Variants in RFWD3 observed in about 807,000 individuals in gnomAD.
RFWD3 encodes the protein E3 ubiquitin-protein ligase RFWD3.
A neutral mutation model predicts 87.7 loss-of-function variants in RFWD3; 65 were observed. The observed-to-expected ratio is 0.74, with a 90% CI of 0.61 to 0.91. The LOEUF is 0.91. Among genes scored for constraint, RFWD3 ranks in the 40% least tolerant of loss-of-function variants. The probability of loss-of-function intolerance (pLI) is 0.00; values close to 1 mark genes in which losing one functional copy is unlikely to be tolerated. For synonymous variants in RFWD3, 433 were observed against 352.8 expected, an observed-to-expected ratio of 1.23 and a Z score of -2.55; for missense variants, 1,078 against 938.5, an observed-to-expected ratio of 1.15 and a Z score of -1.94.
At chr16:74,657,100 G>C (rs60745895) in intron 2 of RFWD3, among the ~76,000 whole-genome samples, 144 of 152,272 alleles carry the variant, frequency 9.5e-4, no homozygotes, top group African/African-American at 3.3e-3. Flanking sequence ...GAGTAGTCTT[G>C]CAAATGGGGT....
intron 4 of RFWD3, among the ~76,000 whole-genome samples, chr16:74,645,838 C>T (rs909309040): frequency 3.4e-5 from 5 of 149,062 alleles, no homozygotes; most frequent in African/African-American, 5.0e-5. Flanking sequence ...CTGCAAGTTC[C>T]GCCTCCTGGG....
At chr16:74,631,525 T>G (rs1048079286) in intron 9 of RFWD3, among the ~76,000 whole-genome samples, 1 of 151,978 alleles carries the variant, frequency 6.6e-6, no homozygotes, top group African/African-American at 2.4e-5. Context: ...TATGTAACAT[T>G]TTTCTACCTT....
chr16:74,624,105 T>G, intron 12 of RFWD3, 34 bp from the exon 13 acceptor site: 6 of 1,606,392 alleles, frequency 3.7e-6, no homozygotes, highest in Non-Finnish European at 5.1e-6. Context: ...GGGTCAGGAG[T>G]CAGTCAGTAC....
intron 8 of RFWD3, among the ~76,000 whole-genome samples, chr16:74,633,139 T>C (rs909124614): frequency 1.3e-5 from 2 of 151,740 alleles, no homozygotes; most frequent in Non-Finnish European, 2.9e-5. Context: ...TAGCCAGGCG[T>C]GGTGGCAAGT....
Position 74,621,465 on chromosome 16 carries a change from T to A in RFWD3, c.*2463A>T, listed in dbSNP as rs937319840. 2 of 152,118 alleles carry A rather than the reference T, an allele frequency of 1.3e-5. No homozygotes were observed. Among genetic ancestry groups the A allele is most frequent in the East Asian group, 3.8e-4 (2 of 5,196 alleles). The allele number at this position is 152,118 out of a possible 1,614,324, so 9.4% of individuals were successfully genotyped here. ...AAAACAGAAACATTAAAACAGGGCA[T>A]AAACAGAGTTCCCATGGCCCTGTTT... On this transcript the variant is annotated 3_prime_UTR_variant, in exon 13 of 13. Transcript: ENST00000361070.
chr16:74,627,100 T>C (rs984614592), intron 11 of RFWD3, among the ~76,000 whole-genome samples: 2 of 152,218 alleles, frequency 1.3e-5, no homozygotes, highest in African/African-American at 4.8e-5. Flanking sequence ...ACAGCCGAGC[T>C]GTGGGATGAT....
chr16:74,630,641 T>C, intron 10 of RFWD3, 140 bp downstream of exon 10: 1 of 594,318 alleles, frequency 1.7e-6, no homozygotes, highest in Non-Finnish European at 2.8e-6. Flanking sequence ...TTATTGATTC[T>C]GAAGTGAGAT....
intron 2 of RFWD3, 40 bp downstream of exon 2, chr16:74,660,892 G>C (rs754307516): frequency 1.9e-6 from 3 of 1,565,616 alleles, no homozygotes; most frequent in Non-Finnish European, 2.6e-6. Flanking sequence ...ATAATTTCTA[G>C]TACAGCAATG....
At chr16:74,661,580 G>A in intron 1 of RFWD3, 129 bp from the exon 2 acceptor site, 1 of 898,404 alleles carries the variant, frequency 1.1e-6, no homozygotes, top group South Asian at 1.8e-5. Context: ...GAAGCTTCAA[G>A]AGAAGATTTT....
chr16:74,649,345 T>C (rs1960404914), intron 3 of RFWD3, 143 bp from the exon 4 acceptor site: 1 of 552,880 alleles, frequency 1.8e-6, no homozygotes, highest in Non-Finnish European at 3.2e-6. Flanking sequence ...GGATGACAAC[T>C]TCCCCAGGTA....
intron 12 of RFWD3, 116 bp downstream of exon 12, chr16:74,626,227 G>C: frequency 1.2e-6 from 1 of 869,042 alleles, no homozygotes; most frequent in Non-Finnish European, 1.9e-6. Flanking sequence ...GGATTACAGA[G>C]CAGAACTTAC....
rs182879460 is a variant in RFWD3 at position 74,644,799 on chromosome 16, G to C, written c.793-64C>G. 170 of 1,498,476 alleles carry C rather than the reference G, an allele frequency of 1.1e-4. No homozygotes were observed. The African/African-American group carries it at 1.9e-3, about 17-fold the overall frequency. The allele number at this position is 1,498,476 out of a possible 1,614,324, so 92.8% of individuals were successfully genotyped here. Reference sequence around the variant, plus strand: ...GTAAAATCAATCTTGAAGAAGATGTGCAACTAAGAAATTAACAGAAGTGCA... The same window carrying C: ...GTAAAATCAATCTTGAAGAAGATGTCCAACTAAGAAATTAACAGAAGTGCA... On this transcript the variant is annotated intron_variant, in intron 4 of 12. Transcript: ENST00000361070.
rs535254738 is a variant in RFWD3 at position 74,644,420 on chromosome 16, C to G, written c.1021G>C (p.Val341Leu). ...GCTCTCAGGGTTCGGGCATAAAGGA[C>G]GACAATGTCACTGTGCCTGGCTTTC... The part of the protein sequence containing the change: ...NKKARHSDIV[V>L]LYARTLRALD... Residue 341 changes from valine (V) to leucine (L), a missense_variant, in exon 6 of 13, where the codon GTC becomes CTC. By Grantham distance (32) the Val-to-Leu change is conservative. Coordinates refer to ENST00000361070, the MANE Select transcript of RFWD3 (RefSeq NM_018124.4). The G allele has an allele frequency of 3.1e-6, 5 of 1,614,174 alleles. No homozygotes were observed. In the East Asian group the frequency reaches 1.1e-4, roughly 36 times the overall value.
rs56803461 is a variant in RFWD3 at position 74,643,669 on chromosome 16, G to GCTTTT, written c.1079+692_1079+693insAAAAG. The stretch of plus-strand genomic sequence containing the variant: ...ATACTGAGTGGTGTTACTAGCAACT[G>GCTTTT]TTTTTTTTTTTTTTTTTTTTTTTTG... On this transcript the variant is annotated intron_variant, in intron 6 of 12. Coordinates refer to ENST00000361070, the MANE Select transcript of RFWD3 (RefSeq NM_018124.4). 1.1e-3 allele frequency among the ~76,000 whole-genome samples: 112 copies of GCTTTT among 105,070 alleles called. 34 individuals are homozygous for GCTTTT. Among genetic ancestry groups the GCTTTT allele is most frequent in the East Asian group, 1.6e-3 (5 of 3,064 alleles). The allele number at this position is 105,070 out of a possible 152,430, so 68.9% of individuals were successfully genotyped here. A position where few individuals can be genotyped will look rare whatever the true frequency, so the allele number is the denominator to read the frequency against.
chr16:74,627,927 C>T lies in RFWD3; in HGVS notation c.1969+525G>A, dbSNP rs528901984. On this transcript the variant is annotated intron_variant, in intron 11 of 12. Coordinates refer to ENST00000361070, the MANE Select transcript of RFWD3 (RefSeq NM_018124.4). ...GTTTACCAGGAATTTAGATTCATGCCGCTTAGCCTAGAAAGAACCTGTGAA... is the reference window on the plus strand; with the variant it reads ...GTTTACCAGGAATTTAGATTCATGCTGCTTAGCCTAGAAAGAACCTGTGAA... 9.2e-5 allele frequency among the ~76,000 whole-genome samples: 14 copies of T among 152,304 alleles called. No individual in the cohort carries two copies. In the South Asian group the frequency reaches 2.3e-3, roughly 25 times the overall value.
chr16:74,637,137 A>C, intron 7 of RFWD3, among the ~76,000 whole-genome samples: 1 of 150,714 alleles, frequency 6.6e-6, no homozygotes, highest in East Asian at 1.9e-4. Context: ...AAAAAAAAAA[A>C]AAAAAAAACA....
intron 2 of RFWD3, among the ~76,000 whole-genome samples, chr16:74,660,160 T>G (rs7201320): frequency 0.59 from 89,834 of 152,074 alleles, 27,776 homozygotes; most frequent in African/African-American, 0.77. Flanking sequence ...GGCTCCAATA[T>G]CAGTGCTAAC....
chr16:74,626,401 G>C lies in RFWD3; in HGVS notation c.2123C>G (p.Pro708Arg). The C allele has an allele frequency of 6.2e-7, 1 of 1,614,154 alleles. No homozygotes were observed. The highest frequency in any genetic ancestry group is 8.5e-7 in the Non-Finnish European group (1 of 1,180,018). The change falls in exon 12 of 13, where the codon CCA (proline) becomes CGA (arginine). Residue 708 changes from proline to arginine, a missense_variant. Pro to Arg is a moderately radical substitution (Grantham distance 103). Coordinates refer to ENST00000361070, the MANE Select transcript of RFWD3 (RefSeq NM_018124.4). ...LLTKNAIFQSPENDGNILVCT... is the reference protein window; with the variant it reads ...LLTKNAIFQSRENDGNILVCT... ...CACCAGGATGTTGCCATCATTCTCT[G>C]GGCTTTGGAAAATGGCATTTTTGGT...
In RFWD3 at chr16:74,652,000, G is replaced by C; in HGVS notation, c.641C>G (p.Ser214Cys). Residue 214 changes from serine to cysteine, a missense_variant, in exon 3 of 13, where the codon TCT (serine) becomes TGT (cysteine). Transcript: ENST00000361070. ...TGCAGAGCTGTCACTGTCAGAATCAGAACTACTAGACACCTGCAACTCTTC... is the reference window on the plus strand; with the variant it reads ...TGCAGAGCTGTCACTGTCAGAATCACAACTACTAGACACCTGCAACTCTTC... ...VSEELQVSSS[S>C]DSDSDSSAEY... 2 of 1,614,030 alleles carry C rather than the reference G, an allele frequency of 1.2e-6. No individual in the cohort carries two copies. The highest frequency in any genetic ancestry group is 1.7e-6 in the Non-Finnish European group (2 of 1,179,992).
Sources: gnomAD v4.1 joint callset for allele counts (sites outside exome capture counted in the v4.1 genomes callset) on GRCh38, gnomAD v4.1.1 for gene constraint, MANE v1.5 for transcripts, NCBI Gene and HGNC (gene_info 2026-07-23, HGNC 2026-07-21) for gene names.